The following TBC1D1 variants were observed in gnomAD, a reference collection of about 807,000 sequenced individuals.
TBC1D1 encodes TBC1 (tre-2/USP6, BUB2, cdc16) domain family, member 1.
TBC1D1 carries 89 observed loss-of-function variants against 125.6 expected under a neutral mutation model. That is an observed-to-expected ratio of 0.71 (90% CI 0.60 to 0.85). TBC1D1 has a LOEUF of 0.85. Ranked by LOEUF, TBC1D1 falls within the 40% of genes least tolerant of loss-of-function variation. The probability of loss-of-function intolerance (pLI) is 0.00; values close to 1 mark genes in which losing one functional copy is unlikely to be tolerated. For missense variants in TBC1D1, 1,377 were observed against 1,469.2 expected (o/e 0.94, Z 1.03); for synonymous variants, 565 against 564.1 (o/e 1.00, Z -0.02).
At chr4:38,010,853 C>T (rs1461972188) in intron 2 of TBC1D1, among the ~76,000 whole-genome samples, 2 of 152,192 alleles carry the variant, frequency 1.3e-5, no homozygotes, top group Non-Finnish European at 2.9e-5. Context: ...ACCTCCTCCT[C>T]CGGGCAGGGA....
intron 17 of TBC1D1, chr4:38,120,253 G>T: frequency 2.6e-6 from 1 of 378,530 alleles, no homozygotes; most frequent in Non-Finnish European, 3.6e-6. Flanking sequence ...AGCTGGCCAA[G>T]GGCTCCTGGG....
chr4:38,123,619 C>T (rs623751), intron 17 of TBC1D1, among the ~76,000 whole-genome samples: 106,376 of 152,056 alleles, frequency 0.7, 37,370 homozygotes, highest in East Asian at 0.76. Flanking sequence ...GATTCATCTT[C>T]CCCACTTTCC....
At chr4:38,043,273 ATTCAGAGAT>A (rs1446331766) in intron 8 of TBC1D1, among the ~76,000 whole-genome samples, 1 of 151,884 alleles carries the variant, frequency 6.6e-6, no homozygotes, top group African/African-American at 2.4e-5. Flanking sequence ...AAACAATTTA[ATTCAGAGAT>A]TTTTGTTGCA....
At position 38,117,187 on chromosome 4, in the gene TBC1D1, A is replaced by G. The variant is rs77399672; in HGVS notation, c.2803-846A>G. On this transcript the variant is annotated intron_variant, in intron 16 of 19. Transcript: ENST00000261439. ...CAGCTGGTGCTTATGGGATTATATT[A>G]TCTGAGCCTCTGAAAACGGTTTTGT... Among the ~76,000 whole-genome samples, 610 of 152,336 alleles carry G rather than the reference A, an allele frequency of 4.0e-3. 6 individuals are homozygous for G. Among genetic ancestry groups the G allele is most frequent in the African/African-American group, 0.014 (585 of 41,580 alleles).
Position 38,096,037 on chromosome 4 carries a change from GA to G in TBC1D1, c.2347del (p.Arg783AspfsTer31). The G allele has an allele frequency of 1.2e-6, 2 of 1,613,950 alleles. No homozygotes were observed. The highest frequency in any genetic ancestry group is 1.7e-6 in the Non-Finnish European group (2 of 1,179,926). ...TGGGAAAAGATGCTTAGCACTCCAG[GA>G]AGATCAAAAATTAAGTTTGACATGG... is the stretch of plus-strand genomic sequence containing the variant. On this transcript the variant is annotated frameshift_variant, in exon 14 of 20. Coordinates refer to ENST00000261439, the MANE Select transcript of TBC1D1 (RefSeq NM_015173.4). LOFTEE classifies it high-confidence loss of function.
intron 1 of TBC1D1, among the ~76,000 whole-genome samples, chr4:37,895,311 C>A (rs1714317440): frequency 6.6e-6 from 1 of 152,182 alleles, no homozygotes; most frequent in African/African-American, 2.4e-5. Flanking sequence ...GAGGGTTATA[C>A]ATAATCTCTG....
At chr4:38,131,923 T>A (rs1414375163) in intron 18 of TBC1D1, among the ~76,000 whole-genome samples, 1 of 152,126 alleles carries the variant, frequency 6.6e-6, no homozygotes, top group Non-Finnish European at 1.5e-5. Flanking sequence ...ATCCACTGAA[T>A]CAAAAACAGC....
intron 2 of TBC1D1, chr4:38,006,795 A>C (rs1210779913): frequency 3.9e-6 from 2 of 508,714 alleles, no homozygotes; most frequent in African/African-American, 3.9e-5. Flanking sequence ...TATTTCTTTT[A>C]TGCTGCTCTT....
intron 6 of TBC1D1, among the ~76,000 whole-genome samples, chr4:38,024,161 T>C (rs1344353711): frequency 6.6e-6 from 1 of 152,274 alleles, no homozygotes; most frequent in East Asian, 1.9e-4. Flanking sequence ...TATTCAACTG[T>C]GTTTTCCACG....
rs1248118022 is a variant in TBC1D1 at position 38,006,655 on chromosome 4, A to AT, written c.418-7849dup. Reference sequence around the variant, plus strand: ...CACCACGCCCGGCTAATTTTTTTGTATTTTTAGTAGAGATGGGGTTTCACC... The same window carrying AT: ...CACCACGCCCGGCTAATTTTTTTGTATTTTTTAGTAGAGATGGGGTTTCACC... On this transcript the variant is annotated intron_variant, in intron 2 of 19. Transcript: ENST00000261439. The AT allele has an allele frequency of 4.5e-5, 10 of 224,404 alleles. No individual in the cohort carries two copies. The Admixed American group carries it at 4.5e-4, about 10-fold the overall frequency. The allele number at this position is 224,404 out of a possible 1,614,324, so 13.9% of individuals were successfully genotyped here.
rs191975309 is a variant in TBC1D1, at chr4:38,138,885, C to G, written c.*1550C>G. The G allele has an allele frequency of 2.0e-5, 3 of 152,746 alleles. No individual in the cohort carries two copies. The highest frequency in any genetic ancestry group is 7.2e-5 in the African/African-American group (3 of 41,560). The allele number at this position is 152,746 out of a possible 1,614,324, so 9.5% of individuals were successfully genotyped here. ...CACGAGGAGACCACAGTGCTGCCAC[C>G]AGTGCCTAAACAGGTGGCTGGCATT... On this transcript the variant is annotated 3_prime_UTR_variant, in exon 20 of 20. Transcript: ENST00000261439.
In TBC1D1 at chr4:37,891,263, C is replaced by G. The variant is rs1713154150; in HGVS notation, c.-179C>G. The G allele has an allele frequency of 6.6e-6, 1 of 152,476 alleles. No homozygotes were observed. 9.4% of individuals were successfully genotyped at this position (152,476 alleles called of 1,614,324 possible). A position where few individuals can be genotyped will look rare whatever the true frequency, so the allele number is the denominator to read the frequency against. On this transcript the variant is annotated 5_prime_UTR_variant, in exon 1 of 20. Coordinates refer to ENST00000261439, the MANE Select transcript of TBC1D1 (RefSeq NM_015173.4). ...GCAGCCAGCCGGGTGCGATGGACTC[C>G]CCGCCCGCCCAGGCCGTCCCCAGGA...
chr4:38,097,109 A>G (rs1438647353), intron 14 of TBC1D1, among the ~76,000 whole-genome samples: 7 of 152,180 alleles, frequency 4.6e-5, no homozygotes, highest in African/African-American at 1.4e-4. Flanking sequence ...TCAAGTATGT[A>G]TAGAATGGGT....
intron 2 of TBC1D1, among the ~76,000 whole-genome samples, chr4:37,958,808 AAC>A (rs770587859): frequency 6.6e-6 from 1 of 152,212 alleles, no homozygotes; most frequent in Non-Finnish European, 1.5e-5. Context: ...GTGGCCTGCA[AAC>A]TTTATTGTAA....
At chr4:37,932,262 CACTTA>C (rs1349004793) in intron 2 of TBC1D1, among the ~76,000 whole-genome samples, 4 of 152,176 alleles carry the variant, frequency 2.6e-5, no homozygotes, top group African/African-American at 4.8e-5. Flanking sequence ...TTGTTTATCC[CACTTA>C]ACTTAGAGAG....
chr4:38,032,478 A>G (rs1020248034), intron 7 of TBC1D1, among the ~76,000 whole-genome samples: 1 of 152,184 alleles, frequency 6.6e-6, no homozygotes, highest in East Asian at 1.9e-4. Context: ...TCGATTCCCC[A>G]TTATTTTCCT....
At chr4:37,898,459 C>T (rs1715115103) in intron 1 of TBC1D1, among the ~76,000 whole-genome samples, 1 of 152,190 alleles carries the variant, frequency 6.6e-6, no homozygotes, top group African/African-American at 2.4e-5. Flanking sequence ...TCCAAACTAC[C>T]TTTTCCATCA....
intron 12 of TBC1D1, among the ~76,000 whole-genome samples, chr4:38,086,616 T>C (rs1353582559): frequency 6.6e-6 from 1 of 152,180 alleles, no homozygotes; most frequent in Non-Finnish European, 1.5e-5. Flanking sequence ...GCTCCTGCCA[T>C]GTGTTGAGGA....
chr4:38,085,694 C>T (rs1011026273), intron 12 of TBC1D1, among the ~76,000 whole-genome samples: 2 of 152,196 alleles, frequency 1.3e-5, no homozygotes, highest in Non-Finnish European at 2.9e-5. Context: ...AGCCGGATCC[C>T]TGGGATTGTT....
Sources: allele counts gnomAD v4.1 joint callset (sites outside exome capture counted in the v4.1 genomes callset), GRCh38; gene constraint gnomAD v4.1.1; transcripts MANE v1.5; gene names NCBI Gene and HGNC (gene_info 2026-07-23, HGNC 2026-07-21).